BAIAP2: variants seen among roughly 807,000 people sequenced by gnomAD.
BAIAP2 encodes BAR/IMD domain containing adaptor protein 2, also known as BAR/IMD domain-containing adapter protein 2.
Under a neutral mutation model 63.0 loss-of-function variants are expected in BAIAP2, and 18 were observed. The ratio of observed to expected loss-of-function variants is 0.29; its 90% CI spans 0.20 to 0.42. The LOEUF is 0.42. BAIAP2 is among the 10% of genes least tolerant of loss of function. BAIAP2 has a pLI of 1.00. For missense variants in BAIAP2, 610 were observed against 734.3 expected (o/e 0.83, Z 1.96); for synonymous variants, 386 against 307.6 (o/e 1.25, Z -2.67).
chr17:81,095,856 A>C (rs1395261020), intron 6 of BAIAP2, among the ~76,000 whole-genome samples: 2 of 150,780 alleles, frequency 1.3e-5, no homozygotes, highest in African/African-American at 2.4e-5. Context: ...TAAAACACCA[A>C]CTCTCTTCCC....
chr17:81,067,602 C>A (rs2051736488), intron 3 of BAIAP2, among the ~76,000 whole-genome samples: 1 of 152,346 alleles, frequency 6.6e-6, no homozygotes, highest in South Asian at 2.1e-4. Context: ...TGAGCCGTTT[C>A]CTGCTGGTGA....
chr17:81,111,396 A>AG (rs2059911794), intron 13 of BAIAP2, among the ~76,000 whole-genome samples: 1 of 152,164 alleles, frequency 6.6e-6, no homozygotes, highest in Non-Finnish European at 1.5e-5. Context: ...TGGGGACTGG[A>AG]GGTCAGGGTC....
intron 1 of BAIAP2, among the ~76,000 whole-genome samples, chr17:81,043,536 G>A (rs2047374372): frequency 1.3e-5 from 2 of 152,226 alleles, no homozygotes; most frequent in South Asian, 4.1e-4. Flanking sequence ...GCTGTCTCAT[G>A]CTCTGGCTCT....
chr17:81,098,110 G>C (rs1359431699), intron 6 of BAIAP2: 5 of 1,391,718 alleles, frequency 3.6e-6, no homozygotes, highest in Middle Eastern at 1.9e-4. Flanking sequence ...AGCGGGGGGT[G>C]GGGAGGCATG....
chr17:81,057,710 CAA>C, intron 2 of BAIAP2, 169 bp from the exon 3 acceptor site: 1 of 1,386,342 alleles, frequency 7.2e-7, no homozygotes, highest in Non-Finnish European at 9.3e-7. Context: ...AGAATATCAA[CAA>C]GAGATGGGTT....
At chr17:81,085,004 A>G in intron 4 of BAIAP2, 111 bp downstream of exon 4, 1 of 1,139,396 alleles carries the variant, frequency 8.8e-7, no homozygotes, top group Non-Finnish European at 1.3e-6. Context: ...GTCCAGCCAC[A>G]CTCGGAGGCA....
chr17:81,081,483 G>T (rs1157284110), intron 3 of BAIAP2, among the ~76,000 whole-genome samples: 1 of 152,182 alleles, frequency 6.6e-6, no homozygotes, highest in Non-Finnish European at 1.5e-5. Context: ...GCCAGCCCTA[G>T]CTGGGGTTCC....
chr17:81,076,857 G>C (rs894833719), intron 3 of BAIAP2, among the ~76,000 whole-genome samples: 2 of 152,294 alleles, frequency 1.3e-5, no homozygotes, highest in African/African-American at 4.8e-5. Flanking sequence ...TGTAGTCCCA[G>C]CTCCTCGAGA....
At chr17:81,089,314 C>T (rs1386520317) in intron 6 of BAIAP2, among the ~76,000 whole-genome samples, 1 of 152,206 alleles carries the variant, frequency 6.6e-6, no homozygotes, top group Non-Finnish European at 1.5e-5. Context: ...CCTCGGTGGA[C>T]CCTTCGTTGA....
At chr17:81,106,017 T>C (rs1351020876) in intron 10 of BAIAP2, 61 bp from the exon 11 acceptor site, 18 of 1,450,364 alleles carry the variant, frequency 1.2e-5, no homozygotes, top group Admixed American at 4.0e-5. Context: ...TGGATGGTGG[T>C]CGGTGGGGGA....
chr17:81,103,703 G>T lies in BAIAP2; in HGVS notation c.844G>T (p.Glu282Ter). 1.3e-6 allele frequency: 2 copies of T among 1,591,964 alleles called. No individual in the cohort carries two copies. Among genetic ancestry groups the T allele is most frequent in the Non-Finnish European group, 1.7e-6 (2 of 1,169,678 alleles). Residue 282 changes from glutamate (E) to a stop codon, truncating the protein, a stop_gained, in exon 8 of 14, where the codon GAG becomes TAG. Coordinates refer to ENST00000428708, the MANE Select transcript of BAIAP2 (RefSeq NM_001144888.2). LOFTEE classifies it high-confidence loss of function. ...PGAKPLPVPP[E>*]LAPFVGRMSA... Reference sequence around the variant, plus strand: ...GGCCAAGCCCCTGCCGGTGCCCCCCGAGCTGGCACCGTTCGTGGGGGTGAG... The same window carrying T: ...GGCCAAGCCCCTGCCGGTGCCCCCCTAGCTGGCACCGTTCGTGGGGGTGAG...
At chr17:81,109,373 AAAAAAAAAAAAAAAAAAAAAAAG>A (rs1376104714) in intron 13 of BAIAP2, 6 of 65,118 alleles carry the variant, frequency 9.2e-5, no homozygotes, top group Non-Finnish European at 1.0e-4. Context: ...GAAAAATCTT[AAAAAAAAAAAAAAAAAAAAAAAG>A]AAAAAAAGAA....
chr17:81,086,348 T>TG (rs2055641798), intron 5 of BAIAP2, 95 bp from the exon 6 acceptor site: 1 of 1,487,828 alleles, frequency 6.7e-7, no homozygotes, highest in South Asian at 1.3e-5. Flanking sequence ...GGGACCCCGT[T>TG]GCGTTGGGCT....
intron 3 of BAIAP2, among the ~76,000 whole-genome samples, chr17:81,078,454 G>C (rs1257450631): frequency 7.2e-6 from 1 of 139,700 alleles, no homozygotes; most frequent in Non-Finnish European, 1.5e-5. Context: ...CTATGGGTGC[G>C]GGTGCCGTAT....
intron 6 of BAIAP2, chr17:81,087,744 A>C (rs2055951716): frequency 6.6e-6 from 1 of 152,178 alleles, no homozygotes; most frequent in South Asian, 2.1e-4. Flanking sequence ...CTTGGTGCAC[A>C]GTTGCAGGGA....
intron 6 of BAIAP2, chr17:81,098,195 G>A: frequency 7.0e-7 from 1 of 1,428,246 alleles, no homozygotes; most frequent in Non-Finnish European, 9.2e-7. Flanking sequence ...CTGTTGGTCA[G>A]GTGAGTCATA....
intron 3 of BAIAP2, among the ~76,000 whole-genome samples, chr17:81,059,074 GGCAGACCTGCCGGCCGCACTTC>G (rs1482048517): frequency 1.3e-5 from 2 of 152,222 alleles, no homozygotes. Context: ...TGCGCCGGGA[GGCAGACCTGCCGGCCGCACTTC>G]GCAGCCCCCT....
At chr17:81,049,186 A>T (rs896724114) in intron 1 of BAIAP2, among the ~76,000 whole-genome samples, 1 of 152,020 alleles carries the variant, frequency 6.6e-6, no homozygotes, top group Non-Finnish European at 1.5e-5. Context: ...GAGTTTGAGG[A>T]GTGTGGTGGT....
intron 11 of BAIAP2, 47 bp downstream of exon 11, chr17:81,106,193 G>T: frequency 6.5e-7 from 1 of 1,538,310 alleles, no homozygotes; most frequent in South Asian, 1.2e-5. Context: ...GCTCGGGAGA[G>T]GGGCTGTGAT....
Sources: gnomAD v4.1 joint callset for allele counts (sites outside exome capture counted in the v4.1 genomes callset) on GRCh38, gnomAD v4.1.1 for gene constraint, MANE v1.5 for transcripts, NCBI Gene and HGNC (gene_info 2026-07-23, HGNC 2026-07-21) for gene names.